APP: variants seen among roughly 807,000 people sequenced by gnomAD.
APP encodes the protein amyloid beta precursor protein, also known as amyloid-beta precursor protein.
Under a neutral mutation model 101.4 loss-of-function variants are expected in APP, and 31 were observed. That is an observed-to-expected ratio of 0.31 (90% CI 0.23 to 0.41). APP has a LOEUF of 0.41. Ranked by LOEUF, APP falls within the 10% of genes least tolerant of loss-of-function variation. The pLI, the probability that APP is intolerant of heterozygous loss-of-function variation, is 1.00. For missense variants in APP, 839 were observed against 1,003.7 expected (o/e 0.84, Z 2.22); for synonymous variants, 366 against 364.4 (o/e 1.00, Z -0.05).
chr21:26,159,086 ATTTT>A (rs879450285), intron 1 of APP, among the ~76,000 whole-genome samples: 2 of 147,242 alleles, frequency 1.4e-5, no homozygotes, highest in Non-Finnish European at 3.0e-5. Flanking sequence ...AAGATAGTAA[ATTTT>A]TTTTTTTTTT....
intron 5 of APP, among the ~76,000 whole-genome samples, chr21:26,029,970 C>G (rs950356563): frequency 6.6e-6 from 1 of 152,134 alleles, no homozygotes; most frequent in African/African-American, 2.4e-5. Flanking sequence ...AAAAAAATTA[C>G]TGAAACAAGC....
intron 1 of APP, among the ~76,000 whole-genome samples, chr21:26,150,614 T>C (rs1056830907): frequency 4.0e-5 from 6 of 150,798 alleles, no homozygotes; most frequent in East Asian, 2.0e-4. Context: ...GACAGATAGA[T>C]AGACAGATAG....
chr21:25,959,064 A>C (rs2041461580), intron 11 of APP, among the ~76,000 whole-genome samples: 2 of 152,170 alleles, frequency 1.3e-5, no homozygotes, highest in South Asian at 2.1e-4. Flanking sequence ...TCCTTCTCCT[A>C]ATCACTTTGT....
Position 25,897,666 on chromosome 21 carries a change from C to T in APP, c.1971G>A (p.Gly657=), listed in dbSNP as rs141559720. 1.9e-6 allele frequency: 3 copies of T among 1,611,944 alleles called. No homozygotes were observed. In the African/African-American group the frequency reaches 4.0e-5, roughly 21 times the overall value. Residue 657 remains glycine, a synonymous_variant, in exon 16 of 18, where the codon GGG becomes GGA. Coordinates refer to ENST00000346798, the MANE Select transcript of APP (RefSeq NM_000484.4). The part of the protein sequence containing the change: ...DRGLTTRPGS[G]LTNIKTEEIS... The stretch of plus-strand genomic sequence containing the variant: ...TCTCCTCCGTCTTGATATTTGTCAA[C>T]CCAGAACCTGTATTACATCATAATT...
chr21:26,170,799 A>G, upstream of APP: 1 of 613,070 alleles, frequency 1.6e-6, no homozygotes, highest in Non-Finnish European at 2.6e-6. Flanking sequence ...CGGGGCTCAG[A>G]GCCAGGCGAG....
intron 1 of APP, among the ~76,000 whole-genome samples, chr21:26,134,468 T>C (rs1013322494): frequency 1.3e-5 from 2 of 152,218 alleles, no homozygotes; most frequent in African/African-American, 4.8e-5. Flanking sequence ...CACCCATTTA[T>C]TTTAAAGGAT....
intron 2 of APP, among the ~76,000 whole-genome samples, chr21:26,110,478 T>C (rs1390396447): frequency 6.6e-6 from 1 of 151,896 alleles, no homozygotes; most frequent in Non-Finnish European, 1.5e-5. Context: ...AAAATACATA[T>C]AATGAACTTA....
intron 1 of APP, among the ~76,000 whole-genome samples, chr21:26,166,871 T>TGAGAGAGAGTGAGAGAGA (rs1183041320): frequency 2.2e-5 from 3 of 135,202 alleles, no homozygotes; most frequent in Admixed American, 7.5e-5. Flanking sequence ...GTCACTCAAG[T>TGAGAGAGAGTGAGAGAGA]GAGAGAGAGA....
rs150198481 is a variant in APP at position 26,008,422 on chromosome 21, C to T, written c.866-8240G>A. ...GGCTATTAACAAGAAGCTCAAAACTCGGGATATCATGTCCTGTATTGGAAA... is the reference window on the plus strand; with the variant it reads ...GGCTATTAACAAGAAGCTCAAAACTTGGGATATCATGTCCTGTATTGGAAA... On this transcript the variant is annotated intron_variant, in intron 6 of 17. Coordinates refer to ENST00000346798, the MANE Select transcript of APP (RefSeq NM_000484.4). Among the ~76,000 whole-genome samples, 5 of 152,216 alleles carry T rather than the reference C, an allele frequency of 3.3e-5. No homozygotes were observed. The East Asian group carries it at 7.7e-4, about 24-fold the overall frequency.
intron 7 of APP, among the ~76,000 whole-genome samples, chr21:25,999,093 C>T (rs1049142604): frequency 2.0e-5 from 3 of 152,142 alleles, no homozygotes; most frequent in African/African-American, 7.2e-5. Flanking sequence ...GAGTTCGAGA[C>T]CAGCCTGGTC....
intron 1 of APP, among the ~76,000 whole-genome samples, chr21:26,138,928 C>G (rs546734076): frequency 1.2e-4 from 18 of 152,296 alleles, no homozygotes; most frequent in African/African-American, 4.3e-4. Flanking sequence ...ATATTATTGT[C>G]TACTTTCTTG....
chr21:26,069,279 T>A (rs920073315), intron 3 of APP, among the ~76,000 whole-genome samples: 3 of 152,110 alleles, frequency 2.0e-5, no homozygotes, highest in African/African-American at 7.2e-5. Flanking sequence ...AAACTCTCCA[T>A]ACTCCCAAAG....
Position 25,881,234 on chromosome 21 carries a change from G to C in APP, c.*436C>G, listed in dbSNP as rs573263845. 1.5e-4 allele frequency: 35 copies of C among 237,708 alleles called. No homozygotes were observed. The highest frequency in any genetic ancestry group is 6.4e-4 in the African/African-American group (28 of 43,930). 14.7% of individuals were successfully genotyped at this position (237,708 alleles called of 1,614,324 possible). On this transcript the variant is annotated 3_prime_UTR_variant, in exon 18 of 18. Coordinates refer to ENST00000346798, the MANE Select transcript of APP (RefSeq NM_000484.4). ...ATAGTGATCAGGAAAGGAATACTTAGGCAAGAGAAGCAGCTGAACTCCCAC... is the reference window on the plus strand; with the variant it reads ...ATAGTGATCAGGAAAGGAATACTTACGCAAGAGAAGCAGCTGAACTCCCAC...
intron 3 of APP, among the ~76,000 whole-genome samples, chr21:26,081,223 A>G (rs548732081): frequency 1.3e-5 from 2 of 152,160 alleles, no homozygotes; most frequent in Non-Finnish European, 2.9e-5. Flanking sequence ...CTTTACCCAC[A>G]TCTTCTTCTC....
At position 25,976,073 on chromosome 21, in the gene APP, C is replaced by A. The variant is rs116447989; in HGVS notation, c.1225-45G>T. Reference sequence around the variant, plus strand: ...TTGAATTTAAAATCATCAGTTCATCCTTTGAATACAGACTTAATAGGATGG... The same window carrying A: ...TTGAATTTAAAATCATCAGTTCATCATTTGAATACAGACTTAATAGGATGG... On this transcript the variant is annotated intron_variant, in intron 9 of 17. Coordinates refer to ENST00000346798, the MANE Select transcript of APP (RefSeq NM_000484.4). 2.3e-3 allele frequency: 3,345 copies of A among 1,463,220 alleles called. 42 individuals carry two copies. The African/African-American group carries it at 0.036, about 16-fold the overall frequency. 90.6% of individuals were successfully genotyped at this position (1,463,220 alleles called of 1,614,324 possible).
At chr21:25,998,421 T>C (rs1164870871) in intron 7 of APP, among the ~76,000 whole-genome samples, 1 of 149,786 alleles carries the variant, frequency 6.7e-6, no homozygotes, top group Admixed American at 6.6e-5. Context: ...CTTGAGGTTA[T>C]CAGTTCCTAC....
At chr21:25,901,882 T>G (rs1218785152) in intron 15 of APP, among the ~76,000 whole-genome samples, 1 of 152,110 alleles carries the variant, frequency 6.6e-6, no homozygotes, top group African/African-American at 2.4e-5. Context: ...AGGGTGGTGA[T>G]GAATTGTAAC....
intron 3 of APP, among the ~76,000 whole-genome samples, chr21:26,054,483 C>G (rs904957344): frequency 2.6e-5 from 4 of 152,096 alleles, no homozygotes; most frequent in African/African-American, 9.7e-5. Flanking sequence ...TGCAGCCCAT[C>G]TGGATATGGG....
intron 11 of APP, among the ~76,000 whole-genome samples, chr21:25,969,347 CAAAAA>C (rs60834302): frequency 0.073 from 4,067 of 55,562 alleles, 176 homozygotes; most frequent in African/African-American, 0.16. Flanking sequence ...GACTCTGTCT[CAAAAA>C]AAAAAAAAAA....
Sources: allele counts gnomAD v4.1 joint callset (sites outside exome capture counted in the v4.1 genomes callset), GRCh38; gene constraint gnomAD v4.1.1; transcripts MANE v1.5; gene names NCBI Gene and HGNC (gene_info 2026-07-23, HGNC 2026-07-21).